DNAH11: variants seen among roughly 807,000 people sequenced by gnomAD.
DNAH11 encodes axonemal beta dynein heavy chain 11.
DNAH11 carries 442 observed loss-of-function variants against 526.0 expected under a neutral mutation model. The ratio of observed to expected loss-of-function variants is 0.84; its 90% CI spans 0.78 to 0.91. The LOEUF (loss-of-function observed/expected upper bound fraction) is 0.91, where lower values mean the gene tolerates loss of function less well. DNAH11 is among the 40% of genes least tolerant of loss of function. The pLI is 0.00. For synonymous variants in DNAH11, 2,461 were observed against 1,935.9 expected (o/e 1.27, Z -7.12); for missense variants, 6,989 against 5,448.7 (o/e 1.28, Z -8.90).
intron 65 of DNAH11, among the ~76,000 whole-genome samples, chr7:21,829,322 C>T (rs1350531829): frequency 6.6e-6 from 1 of 151,656 alleles, no homozygotes; most frequent in Non-Finnish European, 1.5e-5. Context: ...TCTGATGAAG[C>T]CTCCAGAATG....
intron 73 of DNAH11, among the ~76,000 whole-genome samples, chr7:21,871,889 G>A (rs376898646): frequency 8.6e-5 from 13 of 151,810 alleles, no homozygotes; most frequent in Non-Finnish European, 1.5e-4. Flanking sequence ...TTGGGAGGCC[G>A]AGGAGGGCAG....
At chr7:21,577,327 G>C (rs1221356715) in intron 8 of DNAH11, among the ~76,000 whole-genome samples, 1 of 152,160 alleles carries the variant, frequency 6.6e-6, no homozygotes, top group African/African-American at 2.4e-5. Context: ...GGGGAGCCTA[G>C]ACTTACACCC....
At chr7:21,832,015 G>A (rs976497205) in intron 65 of DNAH11, among the ~76,000 whole-genome samples, 9 of 152,062 alleles carry the variant, frequency 5.9e-5, no homozygotes, top group African/African-American at 7.2e-5. Flanking sequence ...GTTTGAACCC[G>A]GGAGGCAGAG....
At chr7:21,844,640 A>G (rs951980261) in intron 66 of DNAH11, among the ~76,000 whole-genome samples, 2 of 152,218 alleles carry the variant, frequency 1.3e-5, no homozygotes, top group African/African-American at 2.4e-5. Context: ...GAACAGCAGC[A>G]TCACCATCAG....
At chr7:21,897,411 C>G (rs1271588970) in intron 79 of DNAH11, among the ~76,000 whole-genome samples, 3 of 148,706 alleles carry the variant, frequency 2.0e-5, no homozygotes, top group African/African-American at 7.4e-5. Flanking sequence ...TTGTCAAATG[C>G]TGCCGTGGAG....
chr7:21,613,666 A>C (rs1785635375), intron 20 of DNAH11, among the ~76,000 whole-genome samples: 1 of 152,198 alleles, frequency 6.6e-6, no homozygotes, highest in African/African-American at 2.4e-5. Flanking sequence ...AAAATTGCTG[A>C]GTAGATTTTA....
Position 21,704,489 on chromosome 7 carries a change from T to A in DNAH11, c.6329T>A (p.Ile2110Asn), listed in dbSNP as rs1381555848. 6.2e-7 allele frequency: 1 copy of A among 1,613,856 alleles called. No individual in the cohort carries two copies. The highest frequency in any genetic ancestry group is 1.7e-5 in the Admixed American group (1 of 59,972). The change falls in exon 38 of 82, where the codon ATC (isoleucine) becomes AAC (asparagine). Residue 2110 changes from isoleucine (I) to asparagine (N), a missense_variant. Ile to Asn is a moderately radical substitution (Grantham distance 149). Coordinates refer to ENST00000409508, the MANE Select transcript of DNAH11 (RefSeq NM_001277115.2). ...ATGCCCAAAATAGTGACTGACGACA[T>A]CCCAGTGTTTCTGGGCCTGGTCGGT... The part of the protein sequence containing the change: ...FNMPKIVTDD[I>N]PVFLGLVGDL...
At chr7:21,884,024 C>T (rs979937911) in intron 75 of DNAH11, among the ~76,000 whole-genome samples, 1 of 151,426 alleles carries the variant, frequency 6.6e-6, no homozygotes, top group African/African-American at 2.4e-5. Flanking sequence ...GCTTAGGCAA[C>T]AAAGCCAGAC....
chr7:21,668,715 C>T (rs1215636405), intron 30 of DNAH11, among the ~76,000 whole-genome samples: 1 of 152,044 alleles, frequency 6.6e-6, no homozygotes, highest in East Asian at 1.9e-4. Context: ...ATACGTGTAC[C>T]ACAATTTTTC....
In DNAH11 at chr7:21,683,774, A is replaced by G. The variant is rs759954017; in HGVS notation, c.5461-10A>G. 1.3e-5 allele frequency: 20 copies of G among 1,584,458 alleles called. No individual in the cohort carries two copies. Among genetic ancestry groups the G allele is most frequent in the South Asian group, 3.5e-5 (3 of 85,130 alleles). Reference sequence around the variant, plus strand: ...GTGTCCTGCGTATGATGATTATGCAATGCCTTTAGGTTGTCAGTCCCCAAG... The same window carrying G: ...GTGTCCTGCGTATGATGATTATGCAGTGCCTTTAGGTTGTCAGTCCCCAAG... On this transcript the variant is annotated splice_polypyrimidine_tract_variant and intron_variant, in intron 31 of 81. Transcript: ENST00000409508.
At chr7:21,877,591 T>C (rs1783763901) in intron 74 of DNAH11, among the ~76,000 whole-genome samples, 1 of 152,122 alleles carries the variant, frequency 6.6e-6, no homozygotes, top group South Asian at 2.1e-4. Context: ...AAGAGCCTCT[T>C]GAGGCTAGGC....
intron 30 of DNAH11, among the ~76,000 whole-genome samples, chr7:21,678,187 G>T (rs1782981096): frequency 1.3e-5 from 2 of 150,472 alleles, no homozygotes; most frequent in African/African-American, 4.9e-5. Context: ...TTTTTTTTAA[G>T]GAATTTTACA....
intron 14 of DNAH11, among the ~76,000 whole-genome samples, chr7:21,599,141 G>A (rs189183424): frequency 6.6e-6 from 1 of 152,208 alleles, no homozygotes; most frequent in Non-Finnish European, 1.5e-5. Context: ...TCTGTTTTTG[G>A]GTCTTTGAGG....
rs961495929 is a variant in DNAH11, at chr7:21,623,049, A to C, written c.4500+2971A>C. 4.9e-3 allele frequency among the ~76,000 whole-genome samples: 750 copies of C among 152,038 alleles called. 6 individuals carry two copies. The highest frequency in any genetic ancestry group is 0.016 in the African/African-American group (684 of 41,550). Reference sequence around the variant, plus strand: ...AACAGGCAACCTACAAAATGGGAGAAAATTTTCGCAACCTACTCATCTGAC... The same window carrying C: ...AACAGGCAACCTACAAAATGGGAGACAATTTTCGCAACCTACTCATCTGAC... On this transcript the variant is annotated intron_variant, in intron 25 of 81. Coordinates refer to ENST00000409508, the MANE Select transcript of DNAH11 (RefSeq NM_001277115.2).
intron 25 of DNAH11, among the ~76,000 whole-genome samples, chr7:21,627,215 TGTA>T (rs1786382199): frequency 6.6e-6 from 1 of 152,222 alleles, no homozygotes; most frequent in Non-Finnish European, 1.5e-5. Flanking sequence ...TCTCCCATTC[TGTA>T]GTTTGGCTAT....
At chr7:21,742,928 G>T (rs368393604) in intron 49 of DNAH11, among the ~76,000 whole-genome samples, 7 of 152,334 alleles carry the variant, frequency 4.6e-5, no homozygotes, top group African/African-American at 1.4e-4. Context: ...GGCAGATTCA[G>T]TGTCTGGTGA....
intron 65 of DNAH11, among the ~76,000 whole-genome samples, chr7:21,825,627 T>C (rs7783482): frequency 0.07 from 10,648 of 151,742 alleles, 1,171 homozygotes; most frequent in African/African-American, 0.23. Flanking sequence ...TTTTTTTTTT[T>C]CCCACTTTTA....
chr7:21,573,345 T>G (rs1396130661), intron 8 of DNAH11, among the ~76,000 whole-genome samples: 1 of 152,208 alleles, frequency 6.6e-6, no homozygotes, highest in Non-Finnish European at 1.5e-5. Context: ...TCGGTCTGGT[T>G]GGAGACATCA....
At chr7:21,608,446 G>A (rs770540164) in intron 20 of DNAH11, among the ~76,000 whole-genome samples, 17 of 152,148 alleles carry the variant, frequency 1.1e-4, no homozygotes, top group South Asian at 4.1e-4. Flanking sequence ...TCATGCTGGA[G>A]ATAGTCTTAA....
Sources: allele counts gnomAD v4.1 joint callset (sites outside exome capture counted in the v4.1 genomes callset), GRCh38; gene constraint gnomAD v4.1.1; transcripts MANE v1.5; gene names NCBI Gene and HGNC (gene_info 2026-07-23, HGNC 2026-07-21).